ADCY8: variants seen among roughly 807,000 people sequenced by gnomAD.
ADCY8 encodes adenylate cyclase type 8.
ADCY8 carries 51 observed loss-of-function variants against 119.7 expected under a neutral mutation model. The ratio of observed to expected loss-of-function variants is 0.43; its 90% CI spans 0.34 to 0.54. The LOEUF (loss-of-function observed/expected upper bound fraction) is 0.54. ADCY8 is among the 20% of genes least tolerant of loss of function. ADCY8 has a pLI of 0.03. For synonymous variants in ADCY8, 665 were observed against 651.0 expected (o/e 1.02, Z -0.33); for missense variants, 1,383 against 1,598.8 (o/e 0.87, Z 2.30).
chr8:131,018,165 C>A (rs1823542195), intron 1 of ADCY8, among the ~76,000 whole-genome samples: 1 of 152,120 alleles, frequency 6.6e-6, no homozygotes, highest in South Asian at 2.1e-4. Flanking sequence ...CAATGTAGTT[C>A]TGATACTGTC....
chr8:130,910,481 T>A (rs905119842), intron 5 of ADCY8, among the ~76,000 whole-genome samples: 6 of 152,122 alleles, frequency 3.9e-5, no homozygotes, highest in Admixed American at 2.6e-4. Context: ...TTCCAGCCCA[T>A]ACTGTCATGG....
intron 1 of ADCY8, among the ~76,000 whole-genome samples, chr8:131,033,407 A>C (rs577341388): frequency 6.6e-6 from 1 of 152,284 alleles, no homozygotes; most frequent in South Asian, 2.1e-4. Context: ...TTAAAATGTC[A>C]TCAATCATCA....
At chr8:131,010,256 A>G (rs76760960) in intron 1 of ADCY8, among the ~76,000 whole-genome samples, 3,291 of 152,278 alleles carry the variant, frequency 0.022, 139 homozygotes, top group African/African-American at 0.074. Context: ...AATAATTCTT[A>G]TTAGTATCAA....
intron 9 of ADCY8, among the ~76,000 whole-genome samples, chr8:130,856,794 A>C (rs915954971): frequency 6.6e-6 from 1 of 151,834 alleles, no homozygotes; most frequent in Non-Finnish European, 1.5e-5. Flanking sequence ...CAGATTATAC[A>C]GTCCAGGAGG....
Position 130,847,437 on chromosome 8 carries a change from C to A in ADCY8, c.2489G>T (p.Cys830Phe). 6.2e-7 allele frequency: 1 copy of A among 1,611,036 alleles called. No homozygotes were observed. The highest frequency in any genetic ancestry group is 2.2e-5 in the East Asian group (1 of 44,804). ...FNSSAVFTDI[C>F]SYPEYFVFTG... ...ATAAATAAATACCTCTGGGTAGGAG[C>A]AGATATCTGTAAACACAGCTGAGGA... Residue 830 changes from cysteine (C) to phenylalanine (F), a missense_variant, in exon 11 of 18, where the codon TGC (cysteine) becomes TTC (phenylalanine). By Grantham distance (205) the Cys-to-Phe change is radical. Transcript: ENST00000286355.
chr8:130,812,363 C>T (rs1020990688), intron 14 of ADCY8, among the ~76,000 whole-genome samples: 3 of 152,182 alleles, frequency 2.0e-5, no homozygotes, highest in African/African-American at 7.2e-5. Flanking sequence ...CCTAGTGCCT[C>T]CTGCCACCAA....
At chr8:130,948,291 G>A (rs1821164778) in intron 3 of ADCY8, among the ~76,000 whole-genome samples, 1 of 152,214 alleles carries the variant, frequency 6.6e-6, no homozygotes, top group African/African-American at 2.4e-5. Flanking sequence ...AAACAGGAAA[G>A]ATCAATACAA....
At chr8:130,943,207 G>T in intron 4 of ADCY8, 144 bp downstream of exon 4, 1 of 576,210 alleles carries the variant, frequency 1.7e-6, no homozygotes, top group African/African-American at 1.9e-5. Flanking sequence ...TCCCCAGAAT[G>T]TGAGAGGGTC....
At chr8:130,902,407 T>G (rs7461461) in intron 7 of ADCY8, among the ~76,000 whole-genome samples, 79,171 of 151,512 alleles carry the variant, frequency 0.52, 21,469 homozygotes, top group East Asian at 0.68. Context: ...GACTTTTGTG[T>G]GCATAATAAT....
At chr8:130,980,446 G>C (rs568830771) in intron 2 of ADCY8, among the ~76,000 whole-genome samples, 426 of 152,268 alleles carry the variant, frequency 2.8e-3, no homozygotes, top group Non-Finnish European at 4.5e-3. Context: ...TTGTTACAGT[G>C]ATGCAGGAGA....
chr8:130,847,713 C>G (rs1264829526), intron 10 of ADCY8, among the ~76,000 whole-genome samples, 200 bp from the exon 11 acceptor site: 1 of 152,046 alleles, frequency 6.6e-6, no homozygotes, highest in Non-Finnish European at 1.5e-5. Flanking sequence ...ATTTAAAAAA[C>G]AAGTGCTTGC....
rs1382071792 is a variant in ADCY8, at chr8:130,927,570, C to T, written c.1481+9503G>A. Among the ~76,000 whole-genome samples the T allele has an allele frequency of 2.0e-5, 3 of 152,202 alleles. No homozygotes were observed. In the South Asian group the frequency reaches 6.2e-4, roughly 32 times the overall value. ...GGTTCACTATCTTAATCGTTTCTTT[C>T]GTTATGCAGAAAGTTTTTAGTTTTT... On this transcript the variant is annotated intron_variant, in intron 5 of 17. Transcript: ENST00000286355.
At chr8:130,891,107 TC>T (rs1483478773) in intron 7 of ADCY8, among the ~76,000 whole-genome samples, 1 of 152,134 alleles carries the variant, frequency 6.6e-6, no homozygotes, top group Admixed American at 6.5e-5. Flanking sequence ...GCCAGTAGTT[TC>T]CCCAACCTAT....
chr8:131,011,356 G>A (rs885381), intron 1 of ADCY8, among the ~76,000 whole-genome samples: 13,957 of 152,096 alleles, frequency 0.092, 1,949 homozygotes, highest in African/African-American at 0.3. Flanking sequence ...AGTGAATACC[G>A]ATTCAATTCT....
At chr8:130,829,705 C>A (rs1314659554) in intron 12 of ADCY8, among the ~76,000 whole-genome samples, 1 of 152,200 alleles carries the variant, frequency 6.6e-6, no homozygotes, top group South Asian at 2.1e-4. Context: ...GCATGTCTTA[C>A]ATGGTCTATG....
At chr8:130,825,732 G>T (rs2130220314) in intron 12 of ADCY8, among the ~76,000 whole-genome samples, 1 of 152,320 alleles carries the variant, frequency 6.6e-6, no homozygotes, top group South Asian at 2.1e-4. Context: ...AATCTTCCTT[G>T]AAGAATGTGG....
At chr8:130,945,677 AAAGAG>A (rs1177810955) in intron 3 of ADCY8, among the ~76,000 whole-genome samples, 3 of 152,234 alleles carry the variant, frequency 2.0e-5, no homozygotes, top group African/African-American at 7.2e-5. Flanking sequence ...TTTGAGAGAG[AAAGAG>A]AAGAGAGAGG....
chr8:131,006,993 G>T (rs1429271499), intron 1 of ADCY8, among the ~76,000 whole-genome samples: 1 of 152,090 alleles, frequency 6.6e-6, no homozygotes, highest in African/African-American at 2.4e-5. Context: ...AGAGGAAAAA[G>T]ATATCATGTC....
rs1815044844 is a variant in ADCY8 at position 130,780,585 on chromosome 8, A to G, written c.3561T>C (p.Pro1187=). The G allele has an allele frequency of 6.2e-7, 1 of 1,614,182 alleles. No homozygotes were observed. The highest frequency in any genetic ancestry group is 8.5e-7 in the Non-Finnish European group (1 of 1,180,020). ...CAACCGCGGCCAGGGAGTACTGCCC[A>G]GGCAGTCTTCTTGGGGGCAAGATGA... ...NPFILPPRRL[P]GQYSLAAVVL... is the part of the protein sequence containing the mutation. The change falls in exon 18 of 18, where the codon CCT becomes CCC. Residue 1187 remains proline, a synonymous_variant. Coordinates refer to ENST00000286355, the MANE Select transcript of ADCY8 (RefSeq NM_001115.3).
Sources: gnomAD v4.1 joint callset for allele counts (sites outside exome capture counted in the v4.1 genomes callset) on GRCh38, gnomAD v4.1.1 for gene constraint, MANE v1.5 for transcripts, NCBI Gene and HGNC (gene_info 2026-07-23, HGNC 2026-07-21) for gene names.